The following GRM7 variants were observed in gnomAD, a reference collection of about 807,000 sequenced individuals.
GRM7 encodes metabotropic glutamate receptor 7.
GRM7 carries 35 observed loss-of-function variants against 84.5 expected under a neutral mutation model. The observed-to-expected ratio is 0.41, with a 90% CI of 0.32 to 0.55. GRM7 has a LOEUF of 0.55. GRM7 is among the 20% of genes least tolerant of loss of function. GRM7 has a pLI of 0.19. For missense variants in GRM7, 1,003 were observed against 1,194.6 expected (o/e 0.84, Z 2.36); for synonymous variants, 487 against 455.1 (o/e 1.07, Z -0.89).
At chr3:7,141,800 A>G (rs920471146) in intron 1 of GRM7, among the ~76,000 whole-genome samples, 4 of 152,132 alleles carry the variant, frequency 2.6e-5, no homozygotes, top group African/African-American at 9.6e-5. Flanking sequence ...TTAATATAGA[A>G]CAAAAGATGT....
chr3:7,029,608 G>T (rs1392331361), intron 1 of GRM7, among the ~76,000 whole-genome samples: 2 of 152,132 alleles, frequency 1.3e-5, no homozygotes, highest in African/African-American at 4.8e-5. Context: ...AGCTATAAAA[G>T]GACAAATATT....
At chr3:7,035,383 G>A (rs916030447) in intron 1 of GRM7, among the ~76,000 whole-genome samples, 3 of 152,188 alleles carry the variant, frequency 2.0e-5, no homozygotes, top group South Asian at 4.2e-4. Context: ...TGAGAGTAGG[G>A]AAAGTATAAA....
chr3:7,120,904 A>G (rs908060919), intron 1 of GRM7, among the ~76,000 whole-genome samples: 10 of 152,268 alleles, frequency 6.6e-5, no homozygotes, highest in Non-Finnish European at 2.9e-5. Context: ...AGTTGTCACC[A>G]AGCTCTGTCA....
intron 1 of GRM7, among the ~76,000 whole-genome samples, chr3:6,996,899 C>T (rs1227550211): frequency 6.6e-6 from 1 of 152,160 alleles, no homozygotes; most frequent in Non-Finnish European, 1.5e-5. Context: ...AAGCACAGAA[C>T]AAAGTCTGGA....
chr3:7,411,602 G>A (rs924691795), intron 4 of GRM7, among the ~76,000 whole-genome samples: 2 of 152,162 alleles, frequency 1.3e-5, no homozygotes, highest in African/African-American at 4.8e-5. Context: ...TGAACTTTAT[G>A]TGACATAAAT....
chr3:7,074,496 C>T (rs1232380724), intron 1 of GRM7, among the ~76,000 whole-genome samples: 2 of 152,166 alleles, frequency 1.3e-5, no homozygotes, highest in African/African-American at 4.8e-5. Context: ...ATTTATGTTA[C>T]TGTTCTGCGA....
intron 2 of GRM7, among the ~76,000 whole-genome samples, chr3:7,224,530 T>C (rs1247349937): frequency 6.6e-6 from 1 of 152,196 alleles, no homozygotes; most frequent in Non-Finnish European, 1.5e-5. Flanking sequence ...GTCATGGCCC[T>C]TGTAGATGCC....
intron 7 of GRM7, among the ~76,000 whole-genome samples, chr3:7,552,569 C>T (rs373554126): frequency 6.6e-6 from 1 of 152,212 alleles, no homozygotes; most frequent in African/African-American, 2.4e-5. Context: ...CCTCTGAAAT[C>T]TAGATGGAGG....
intron 9 of GRM7, chr3:7,686,572 AAAG>A: frequency 1.7e-6 from 1 of 596,376 alleles, no homozygotes; most frequent in Middle Eastern, 3.5e-4. Flanking sequence ...ATGAATTTTC[AAAG>A]ATGATCGATT....
intron 7 of GRM7, among the ~76,000 whole-genome samples, chr3:7,537,903 C>G (rs985252651): frequency 3.3e-5 from 5 of 152,052 alleles, no homozygotes; most frequent in African/African-American, 1.2e-4. Context: ...GTCAACATAG[C>G]AAAAAATAGA....
At chr3:7,503,038 A>G (rs1699930603) in intron 7 of GRM7, among the ~76,000 whole-genome samples, 2 of 152,094 alleles carry the variant, frequency 1.3e-5, no homozygotes, top group Non-Finnish European at 2.9e-5. Context: ...AATTTGCTCT[A>G]TGGGATATGA....
At chr3:7,000,339 T>C (rs1362694617) in intron 1 of GRM7, among the ~76,000 whole-genome samples, 1 of 152,034 alleles carries the variant, frequency 6.6e-6, no homozygotes, top group African/African-American at 2.4e-5. Flanking sequence ...ACCTGGCTAA[T>C]ATGTTATTTT....
At chr3:7,397,804 G>C (rs771103455) in intron 4 of GRM7, among the ~76,000 whole-genome samples, 1 of 152,052 alleles carries the variant, frequency 6.6e-6, no homozygotes, top group African/African-American at 2.4e-5. Flanking sequence ...GTCACAACTT[G>C]GGGGCTGGTG....
intron 9 of GRM7, among the ~76,000 whole-genome samples, chr3:7,717,625 A>G (rs1701810367): frequency 6.6e-6 from 1 of 150,740 alleles, no homozygotes; most frequent in African/African-American, 2.4e-5. Flanking sequence ...CCATCAACTG[A>G]TATGTCTTTG....
At chr3:7,687,751 G>A (rs779918412) in intron 9 of GRM7, among the ~76,000 whole-genome samples, 3 of 152,016 alleles carry the variant, frequency 2.0e-5, no homozygotes, top group South Asian at 2.1e-4. Flanking sequence ...ATAGTATTCC[G>A]AATATAAATA....
chr3:7,151,765 A>G lies in GRM7; in HGVS notation c.736+5097A>G, dbSNP rs1694295359. Among the ~76,000 whole-genome samples, 1 of 152,130 alleles carries G rather than the reference A, an allele frequency of 6.6e-6. No homozygotes were observed. The highest frequency in any genetic ancestry group is 6.6e-5 in the Admixed American group (1 of 15,264). Reference sequence around the variant, plus strand: ...TTTTGCTAGAAGGCCATAAAATACTACATCCTAGATCTGCTTGCTGTGGTT... The same window carrying G: ...TTTTGCTAGAAGGCCATAAAATACTGCATCCTAGATCTGCTTGCTGTGGTT... On this transcript the variant is annotated intron_variant, in intron 2 of 9. Transcript: ENST00000357716. This position sits in a 1 kb window ranked among gnomAD's most constrained non-coding sequence, Gnocchi z 4.5.
At chr3:7,259,787 A>AT (rs1156944854) in intron 2 of GRM7, among the ~76,000 whole-genome samples, 4 of 151,942 alleles carry the variant, frequency 2.6e-5, no homozygotes, top group Non-Finnish European at 5.9e-5. Context: ...AATGATTTAT[A>AT]TTTTTTTGGG....
At chr3:7,611,787 A>T (rs1413970949) in intron 8 of GRM7, among the ~76,000 whole-genome samples, 1 of 152,164 alleles carries the variant, frequency 6.6e-6, no homozygotes, top group East Asian at 1.9e-4. Flanking sequence ...TGACCTACAT[A>T]TGCCCATTAA....
intron 1 of GRM7, among the ~76,000 whole-genome samples, chr3:7,018,593 G>T (rs1309926551): frequency 6.6e-6 from 1 of 152,252 alleles, no homozygotes; most frequent in Non-Finnish European, 1.5e-5. Context: ...AAGGCTGAGC[G>T]TAGGAAGTGA....
Sources: gnomAD v4.1 joint callset for allele counts (sites outside exome capture counted in the v4.1 genomes callset) on GRCh38, gnomAD v4.1.1 for gene constraint, Gnocchi (gnomAD v3.1) non-coding constraint, MANE v1.5 for transcripts, NCBI Gene and HGNC (gene_info 2026-07-23, HGNC 2026-07-21) for gene names.